ADAMTS12: variants seen among roughly 807,000 people sequenced by gnomAD.
The protein encoded by ADAMTS12 is ADAM metallopeptidase with thrombospondin type 1 motif 12, also known as A disintegrin and metalloproteinase with thrombospondin motifs 12.
In ADAMTS12, 118 loss-of-function variants were observed where a neutral mutation model predicts 167.8. The ratio of observed to expected loss-of-function variants is 0.70; its 90% CI spans 0.61 to 0.82. The LOEUF is 0.82. Among genes scored for constraint, ADAMTS12 ranks in the 40% least tolerant of loss-of-function variants. The probability of loss-of-function intolerance (pLI) is 0.00; values close to 1 mark genes in which losing one functional copy is unlikely to be tolerated. For missense variants in ADAMTS12, 1,916 were observed against 1,998.8 expected, an observed-to-expected ratio of 0.96 and a Z score of 0.79; for synonymous variants, 704 against 716.9, an observed-to-expected ratio of 0.98 and a Z score of 0.29.
At chr5:33,568,483 G>A (rs1746128396) in intron 19 of ADAMTS12, among the ~76,000 whole-genome samples, 1 of 152,178 alleles carries the variant, frequency 6.6e-6, no homozygotes, top group Non-Finnish European at 1.5e-5. Context: ...AAATCCACCA[G>A]AGAGATAGCA....
Position 33,577,123 on chromosome 5 carries a change from C to T in ADAMTS12, c.2903G>A (p.Ser968Asn), listed in dbSNP as rs758813862. The T allele has an allele frequency of 2.5e-6, 4 of 1,614,192 alleles. No individual in the cohort carries two copies. The East Asian group carries it at 8.9e-5, about 36-fold the overall frequency. Residue 968 changes from serine (S) to asparagine (N), a missense_variant, in exon 19 of 24, where the codon AGT becomes AAT. Ser to Asn is a conservative substitution (Grantham distance 46, BLOSUM62 1). Coordinates refer to ENST00000504830, the MANE Select transcript of ADAMTS12 (RefSeq NM_030955.4). The stretch of plus-strand genomic sequence containing the variant: ...ATCATGGTTCTTGGCACATGTGACA[C>T]TGCGAATCCGCACTCCACCACCACA... ...VSCGGGVRIR[S>N]VTCAKNHDEP...
intron 9 of ADAMTS12, among the ~76,000 whole-genome samples, chr5:33,646,238 T>C (rs1481087076): frequency 5.3e-5 from 8 of 152,174 alleles, no homozygotes; most frequent in Admixed American, 5.2e-4. Flanking sequence ...TAATATATTT[T>C]AAATATTTTA....
Position 33,549,268 on chromosome 5 carries a change from G to T in ADAMTS12, c.4241C>A (p.Pro1414Gln). The T allele has an allele frequency of 6.2e-7, 1 of 1,614,216 alleles. No homozygotes were observed. Among genetic ancestry groups the T allele is most frequent in the Non-Finnish European group, 8.5e-7 (1 of 1,180,038 alleles). ...HCQFLAGIPPPLSMSCNPEPC... is the reference protein window; with the variant it reads ...HCQFLAGIPPQLSMSCNPEPC... ...CTCCGGGTTACAGCTCATGCTCAAT[G>T]GGGGAGGAATGCCGGCCAGGAACTG... Residue 1414 changes from proline (P) to glutamine (Q), a missense_variant, in exon 21 of 24, where the codon CCA becomes CAA. Physicochemically the swap from Pro to Gln is moderately conservative, Grantham distance 76. Coordinates refer to ENST00000504830, the MANE Select transcript of ADAMTS12 (RefSeq NM_030955.4).
At position 33,596,052 on chromosome 5, in the gene ADAMTS12, G is replaced by A. The variant is rs1260275567; in HGVS notation, c.2536C>T (p.Arg846Cys). ...CSVTCGTGIR[R>C]QTAHCIKKGR... ...TTCTTTATGCAATGGGCAGTTTGGC[G>A]GCGGATACCTGGGGGTCAGACAGAA... Residue 846 changes from arginine (R) to cysteine (C), a missense_variant, in exon 17 of 24, where the codon CGC (arginine) becomes TGC (cysteine). Coordinates refer to ENST00000504830, the MANE Select transcript of ADAMTS12 (RefSeq NM_030955.4). 28 of 1,613,822 alleles carry A rather than the reference G, an allele frequency of 1.7e-5. No individual in the cohort carries two copies. The highest frequency in any genetic ancestry group is 2.7e-5 in the African/African-American group (2 of 74,908).
intron 2 of ADAMTS12, among the ~76,000 whole-genome samples, chr5:33,870,241 C>A (rs1749986500): frequency 6.6e-6 from 1 of 152,122 alleles, no homozygotes; most frequent in South Asian, 2.1e-4. Context: ...AGGCGACATA[C>A]ATCTTCAGCT....
intron 14 of ADAMTS12, among the ~76,000 whole-genome samples, chr5:33,623,379 GTATAT>G (rs1233463519): frequency 6.6e-6 from 1 of 152,194 alleles, no homozygotes; most frequent in Non-Finnish European, 1.5e-5. Flanking sequence ...GGAAAGTGGT[GTATAT>G]TATCTCAATT....
chr5:33,726,650 G>A (rs1579878717), intron 3 of ADAMTS12, among the ~76,000 whole-genome samples: 1 of 150,994 alleles, frequency 6.6e-6, no homozygotes, highest in East Asian at 1.9e-4. Flanking sequence ...TCTGTGATTG[G>A]TTGAAGTGTG....
intron 2 of ADAMTS12, among the ~76,000 whole-genome samples, chr5:33,790,328 A>G (rs2112455883): frequency 6.6e-6 from 1 of 152,224 alleles, no homozygotes; most frequent in Non-Finnish European, 1.5e-5. Flanking sequence ...GCCAAGGTGG[A>G]TGGAACACAA....
chr5:33,550,625 C>T (rs972679501), intron 20 of ADAMTS12, among the ~76,000 whole-genome samples: 6 of 152,138 alleles, frequency 3.9e-5, no homozygotes, highest in African/African-American at 1.4e-4. Context: ...TTCAATGGCA[C>T]CTCTTCTGAG....
chr5:33,648,932 T>C lies in ADAMTS12; in HGVS notation c.1369A>G (p.Lys457Glu). Residue 457 changes from lysine to glutamate, a missense_variant, in exon 9 of 24, where the codon AAA (lysine) becomes GAA (glutamate). Lys to Glu is a moderately conservative substitution (Grantham distance 56, BLOSUM62 1). Transcript: ENST00000504830. ...GWGFCLDDIP[K>E]KKGLKSKVIA... ...ACCTTGGACTTCAAGCCTTTCTTTTTAGGTATGTCATCAAGACAGAACCCC... is the reference window on the plus strand; with the variant it reads ...ACCTTGGACTTCAAGCCTTTCTTTTCAGGTATGTCATCAAGACAGAACCCC... The C allele has an allele frequency of 1.9e-6, 3 of 1,614,080 alleles. No homozygotes were observed. The highest frequency in any genetic ancestry group is 2.5e-6 in the Non-Finnish European group (3 of 1,179,960).
intron 2 of ADAMTS12, among the ~76,000 whole-genome samples, chr5:33,770,070 A>ATC (rs1247504788): frequency 6.6e-6 from 1 of 152,140 alleles, no homozygotes; most frequent in Non-Finnish European, 1.5e-5. Flanking sequence ...CTTTTTAATA[A>ATC]TATAATGGTC....
intron 16 of ADAMTS12, among the ~76,000 whole-genome samples, chr5:33,607,973 G>A (rs886105101): frequency 3.3e-5 from 5 of 152,202 alleles, no homozygotes; most frequent in Non-Finnish European, 5.9e-5. Context: ...CAATGCAACA[G>A]AATAGGAGCT....
chr5:33,806,766 C>G (rs1441660826), intron 2 of ADAMTS12, among the ~76,000 whole-genome samples: 1 of 152,162 alleles, frequency 6.6e-6, no homozygotes, highest in Non-Finnish European at 1.5e-5. Flanking sequence ...AAAACGAATA[C>G]TGTCATGTTT....
intron 3 of ADAMTS12, among the ~76,000 whole-genome samples, chr5:33,745,968 C>T (rs1318583909): frequency 3.3e-5 from 5 of 152,134 alleles, no homozygotes; most frequent in Admixed American, 2.0e-4. Context: ...TTTATCAATC[C>T]TCCCACCAGT....
intron 19 of ADAMTS12, among the ~76,000 whole-genome samples, chr5:33,575,320 G>C (rs185190150): frequency 2.6e-5 from 4 of 152,198 alleles, no homozygotes; most frequent in Admixed American, 6.5e-5. Context: ...AGGTTTTTGA[G>C]AAATGTGAAT....
intron 2 of ADAMTS12, among the ~76,000 whole-genome samples, chr5:33,870,738 T>C (rs190104499): frequency 4.6e-5 from 7 of 152,166 alleles, no homozygotes; most frequent in Non-Finnish European, 1.0e-4. Flanking sequence ...GGGGACAGAT[T>C]TCCCCCTTGC....
At chr5:33,696,248 C>T (rs1220046585) in intron 3 of ADAMTS12, among the ~76,000 whole-genome samples, 5 of 151,534 alleles carry the variant, frequency 3.3e-5, no homozygotes, top group Admixed American at 6.6e-5. Context: ...GGTGAAACCC[C>T]GTCTCTACTA....
intron 23 of ADAMTS12, among the ~76,000 whole-genome samples, chr5:33,528,276 T>C (rs560741032): frequency 1.1e-3 from 163 of 151,972 alleles, no homozygotes; most frequent in African/African-American, 3.8e-3. Flanking sequence ...GGGAGGAAAC[T>C]TGGGGGTGGT....
chr5:33,608,279 C>T (rs936187717), intron 16 of ADAMTS12, among the ~76,000 whole-genome samples: 8 of 152,134 alleles, frequency 5.3e-5, no homozygotes, highest in Non-Finnish European at 1.2e-4. Flanking sequence ...GGAGATAAGA[C>T]GTGCACACAA....
Sources: allele counts gnomAD v4.1 joint callset (sites outside exome capture counted in the v4.1 genomes callset), GRCh38; gene constraint gnomAD v4.1.1; transcripts MANE v1.5; gene names NCBI Gene and HGNC (gene_info 2026-07-23, HGNC 2026-07-21).